Variants in SGPP2 observed in about 807,000 individuals in gnomAD.
SGPP2 encodes sphingosine-1-phosphate phosphatase 2.
In SGPP2, 30 loss-of-function variants were observed where a neutral mutation model predicts 33.9. That is an observed-to-expected ratio of 0.89 (90% CI 0.66 to 1.20). The LOEUF is 1.20. SGPP2 is among the 50% of genes most tolerant of loss of function. The pLI, the probability that SGPP2 is intolerant of heterozygous loss-of-function variation, is 0.00. For missense variants in SGPP2, 458 were observed against 532.1 expected (o/e 0.86, Z 1.37); for synonymous variants, 233 against 225.0 (o/e 1.04, Z -0.32).
intron 1 of SGPP2, among the ~76,000 whole-genome samples, chr2:222,444,215 A>G (rs1226162488): frequency 6.6e-6 from 1 of 152,210 alleles, no homozygotes; most frequent in Non-Finnish European, 1.5e-5. Flanking sequence ...ATGCCACTTC[A>G]TAAGGGTAGA....
intron 2 of SGPP2, 36 bp downstream of exon 2, chr2:222,474,762 T>C: frequency 6.5e-7 from 1 of 1,537,742 alleles, no homozygotes; most frequent in Middle Eastern, 1.8e-4. Context: ...TGATGCTACT[T>C]CTAAAACAAC....
intron 2 of SGPP2, among the ~76,000 whole-genome samples, chr2:222,490,173 A>G (rs1192587119): frequency 6.6e-6 from 1 of 152,182 alleles, no homozygotes; most frequent in Non-Finnish European, 1.5e-5. Context: ...TATGTAGAAG[A>G]TACAAAACCA....
intron 1 of SGPP2, among the ~76,000 whole-genome samples, chr2:222,473,903 A>C (rs1292667761): frequency 1.3e-5 from 2 of 150,046 alleles, no homozygotes; most frequent in Non-Finnish European, 3.0e-5. Flanking sequence ...CAGCCTGGGC[A>C]ACAAGAGCAA....
intron 1 of SGPP2, among the ~76,000 whole-genome samples, chr2:222,436,563 G>A (rs561972431): frequency 4.6e-5 from 7 of 152,214 alleles, no homozygotes; most frequent in South Asian, 2.1e-4. Context: ...AACATGGTAC[G>A]ACCAATGAAT....
intron 2 of SGPP2, among the ~76,000 whole-genome samples, chr2:222,487,392 T>A (rs961728387): frequency 3.3e-5 from 5 of 152,170 alleles, no homozygotes; most frequent in African/African-American, 1.2e-4. Flanking sequence ...ACTAACAAAT[T>A]GACATTTCTC....
intron 4 of SGPP2, among the ~76,000 whole-genome samples, chr2:222,546,733 T>G (rs1443945184): frequency 6.6e-6 from 1 of 151,852 alleles, no homozygotes; most frequent in East Asian, 1.9e-4. Flanking sequence ...TTTGCGCTTA[T>G]GTATTACTAT....
intron 1 of SGPP2, chr2:222,453,081 T>C (rs77710590): frequency 2.5e-6 from 3 of 1,176,700 alleles, no homozygotes; most frequent in South Asian, 2.4e-5. Context: ...CAGTGGGTTG[T>C]TTGCCTTTGG....
intron 1 of SGPP2, among the ~76,000 whole-genome samples, chr2:222,446,628 A>T (rs1344947189): frequency 6.6e-6 from 1 of 152,232 alleles, no homozygotes; most frequent in East Asian, 1.9e-4. Context: ...TCACTATTTC[A>T]TTGGCTGTTC....
intron 1 of SGPP2, among the ~76,000 whole-genome samples, chr2:222,433,205 G>A (rs537861300): frequency 6.6e-6 from 1 of 152,234 alleles, no homozygotes; most frequent in Non-Finnish European, 1.5e-5. Flanking sequence ...AGCATGAGAA[G>A]CTAGAGGAAC....
intron 1 of SGPP2, among the ~76,000 whole-genome samples, chr2:222,438,973 T>C (rs1697286076): frequency 6.6e-6 from 1 of 152,220 alleles, no homozygotes; most frequent in South Asian, 2.1e-4. Flanking sequence ...GTGCCAATTA[T>C]GCTTTCTGGC....
intron 2 of SGPP2, among the ~76,000 whole-genome samples, chr2:222,519,701 G>C (rs567319055): frequency 6.6e-6 from 1 of 152,154 alleles, no homozygotes; most frequent in South Asian, 2.1e-4. Flanking sequence ...AGTGTCTGTT[G>C]TTCCCGTGTT....
At position 222,477,602 on chromosome 2, in the gene SGPP2, T is replaced by C. The variant is rs1378885944; in HGVS notation, c.378+2876T>C. Among the ~76,000 whole-genome samples, 1 of 152,028 alleles carries C rather than the reference T, an allele frequency of 6.6e-6. No homozygotes were observed. The highest frequency in any genetic ancestry group is 2.1e-4 in the South Asian group (1 of 4,834). On this transcript the variant is annotated intron_variant, in intron 2 of 4. Transcript: ENST00000321276. The surrounding 1 kb of genome is among the most constrained non-coding windows in gnomAD (Gnocchi z 6.0). ...ATAGGTGTGTGTATATATATGTGTGTGTGTGTGTTCTAAATCCCAAAACTT... is the reference window on the plus strand; with the variant it reads ...ATAGGTGTGTGTATATATATGTGTGCGTGTGTGTTCTAAATCCCAAAACTT...
chr2:222,536,807 C>A (rs1698922731), intron 4 of SGPP2, among the ~76,000 whole-genome samples: 1 of 152,292 alleles, frequency 6.6e-6, no homozygotes, highest in Admixed American at 6.5e-5. Flanking sequence ...TTGGCATGTG[C>A]TTGCACTTTA....
upstream of SGPP2, among the ~76,000 whole-genome samples, chr2:222,424,242 T>A (rs1295372941): frequency 7.3e-6 from 1 of 136,588 alleles, no homozygotes; most frequent in Non-Finnish European, 1.5e-5. Context: ...CTCCCATTAG[T>A]GTTACGTCTG....
At chr2:222,427,903 G>A (rs368520367) in intron 1 of SGPP2, among the ~76,000 whole-genome samples, 167 of 152,316 alleles carry the variant, frequency 1.1e-3, no homozygotes, top group Non-Finnish European at 1.6e-3. Context: ...AGTGGGCTTG[G>A]CTTGTACAAG....
At position 222,477,160 on chromosome 2, in the gene SGPP2, T is replaced by G. The variant is rs564597991; in HGVS notation, c.378+2434T>G. On this transcript the variant is annotated intron_variant, in intron 2 of 4. Coordinates refer to ENST00000321276, the MANE Select transcript of SGPP2 (RefSeq NM_152386.4). The surrounding 1 kb of genome is among the most constrained non-coding windows in gnomAD (Gnocchi z 6.0). ...ATAGGTGTGTATATATCTGTGTGTG[T>G]GTATAGGTGTGTGTATATGTGTATG... Among the ~76,000 whole-genome samples the G allele has an allele frequency of 8.9e-4, 135 of 151,942 alleles. No homozygotes were observed. Among genetic ancestry groups the G allele is most frequent in the African/African-American group, 3.1e-3 (129 of 41,398 alleles).
intron 2 of SGPP2, among the ~76,000 whole-genome samples, chr2:222,520,934 A>C (rs563099384): frequency 6.6e-6 from 1 of 151,984 alleles, no homozygotes; most frequent in Non-Finnish European, 1.5e-5. Flanking sequence ...AAATTTTAAA[A>C]TTTTTTGTAG....
At chr2:222,516,894 A>C (rs1182262218) in intron 2 of SGPP2, among the ~76,000 whole-genome samples, 1 of 152,218 alleles carries the variant, frequency 6.6e-6, no homozygotes, top group African/African-American at 2.4e-5. Context: ...ACATTTTCTC[A>C]TTTAATTCTC....
intron 1 of SGPP2, among the ~76,000 whole-genome samples, chr2:222,472,276 A>G (rs1237954790): frequency 1.3e-5 from 2 of 152,214 alleles, no homozygotes; most frequent in Non-Finnish European, 2.9e-5. Context: ...CTGCACAAAT[A>G]AAACCAATTC....
Sources: allele counts gnomAD v4.1 joint callset (sites outside exome capture counted in the v4.1 genomes callset), GRCh38; gene constraint gnomAD v4.1.1; non-coding constraint Gnocchi (gnomAD v3.1); transcripts MANE v1.5; gene names NCBI Gene and HGNC (gene_info 2026-07-23, HGNC 2026-07-21).